Variants in HDAC4 observed in about 807,000 individuals in gnomAD.
HDAC4 encodes the protein histone deacetylase 4, also known as histone deacetylase A.
HDAC4 carries 16 observed loss-of-function variants against 135.1 expected under a neutral mutation model. That is an observed-to-expected ratio of 0.12 (90% CI 0.08 to 0.18). The LOEUF is 0.18. Ranked by LOEUF, HDAC4 falls within the 10% of genes least tolerant of loss-of-function variation. The pLI, the probability that HDAC4 is intolerant of heterozygous loss-of-function variation, is 1.00. For synonymous variants in HDAC4, 685 were observed against 653.4 expected (o/e 1.05, Z -0.74); for missense variants, 1,143 against 1,511.8 (o/e 0.76, Z 4.05).
At chr2:239,236,097 C>T (rs1029888736) in intron 3 of HDAC4, among the ~76,000 whole-genome samples, 1 of 152,166 alleles carries the variant, frequency 6.6e-6, no homozygotes, top group Admixed American at 6.5e-5. Context: ...TATTTCTGAT[C>T]ACCACCGATA....
chr2:239,085,555 C>A (rs1574964048), intron 19 of HDAC4, among the ~76,000 whole-genome samples: 1 of 152,256 alleles, frequency 6.6e-6, no homozygotes, highest in Admixed American at 6.5e-5. Context: ...TCCAACAACT[C>A]AGGTTCAAAT....
chr2:239,346,844 CTG>C (rs1412713435), intron 2 of HDAC4, among the ~76,000 whole-genome samples: 16 of 148,758 alleles, frequency 1.1e-4, no homozygotes, highest in Non-Finnish European at 4.5e-5. Flanking sequence ...CACACACACC[CTG>C]TCTCACACAC....
Position 239,126,566 on chromosome 2 carries a change from G to T in HDAC4, c.1423C>A (p.Leu475Met). 3 of 1,613,804 alleles carry T rather than the reference G, an allele frequency of 1.9e-6. No homozygotes were observed. The highest frequency in any genetic ancestry group is 1.7e-6 in the Non-Finnish European group (2 of 1,179,956). Residue 475 changes from leucine to methionine, a missense_variant, in exon 12 of 27, where the codon CTG becomes ATG. Coordinates refer to ENST00000543185, the MANE Select transcript of HDAC4 (RefSeq NM_001378414.1). ...TGCAGAGCCTGGGCGTTCTGGGGCA[G>T]CGGGGCCGACTGGGTCCGCCCCAGT... is the stretch of plus-strand genomic sequence containing the variant. ...RPLGRTQSAP[L>M]PQNAQALQHL...
rs141114308 is a variant in HDAC4 at position 239,303,422 on chromosome 2, G to A, written c.22+49256C>T. ...CTTCTGCAGTCGCCACCGAGCACTC[G>A]TGGTGTGGCCCACAGGGCATCCTGC... On this transcript the variant is annotated intron_variant, in intron 2 of 26. Coordinates refer to ENST00000543185, the MANE Select transcript of HDAC4 (RefSeq NM_001378414.1). The surrounding 1 kb of genome is among the most constrained non-coding windows in gnomAD (Gnocchi z 5.1). Among the ~76,000 whole-genome samples the A allele has an allele frequency of 2.0e-4, 31 of 152,220 alleles. No individual in the cohort carries two copies. Among genetic ancestry groups the A allele is most frequent in the African/African-American group, 7.5e-4 (31 of 41,534 alleles).
chr2:239,190,161 C>T, intron 3 of HDAC4, 84 bp from the exon 4 acceptor site: 1 of 1,484,432 alleles, frequency 6.7e-7, no homozygotes. Flanking sequence ...ACACACTGGC[C>T]ACCTTCACGG....
rs74003963 is a variant in HDAC4, at chr2:239,364,664, C to A, written c.-219-11746G>T. On this transcript the variant is annotated intron_variant, in intron 1 of 26. Coordinates refer to ENST00000543185, the MANE Select transcript of HDAC4 (RefSeq NM_001378414.1). ...TCCCTCCTGGCTTGTGTACTTTTCT[C>A]ATGTATTTTATAATTCAATAAAAAA... 8.3e-3 allele frequency among the ~76,000 whole-genome samples: 1,267 copies of A among 152,352 alleles called. 18 individuals are homozygous for A. The highest frequency in any genetic ancestry group is 0.029 in the African/African-American group (1,212 of 41,578).
chr2:239,084,373 C>A, intron 19 of HDAC4, 131 bp from the exon 20 acceptor site: 1 of 697,264 alleles, frequency 1.4e-6, no homozygotes, highest in Non-Finnish European at 2.6e-6. Context: ...CTCCTGAATA[C>A]GTCGCAGGGA....
chr2:239,174,612 T>C (rs1420219088), intron 5 of HDAC4, among the ~76,000 whole-genome samples: 1 of 152,104 alleles, frequency 6.6e-6, no homozygotes, highest in Non-Finnish European at 1.5e-5. Context: ...ACTGACAACA[T>C]GCATGCCCCA....
rs150425106 is a variant in HDAC4, at chr2:239,272,904, G to A, written c.23-36240C>T. Among the ~76,000 whole-genome samples the A allele has an allele frequency of 1.6e-3, 249 of 152,230 alleles. 1 individual carries two copies. The highest frequency in any genetic ancestry group is 5.3e-3 in the African/African-American group (219 of 41,538). ...CAAGCTGTCCCTATATTCCTGCAACGGCTTCTTCCCTCCCTAGCGACCTGG... is the reference window on the plus strand; with the variant it reads ...CAAGCTGTCCCTATATTCCTGCAACAGCTTCTTCCCTCCCTAGCGACCTGG... On this transcript the variant is annotated intron_variant, in intron 2 of 26. Coordinates refer to ENST00000543185, the MANE Select transcript of HDAC4 (RefSeq NM_001378414.1).
intron 2 of HDAC4, among the ~76,000 whole-genome samples, chr2:239,348,005 C>CCGGTGACCACAGACACGTCCCAG (rs1692838217): frequency 6.8e-6 from 1 of 147,688 alleles, no homozygotes; most frequent in Admixed American, 6.7e-5. Flanking sequence ...GAGCATCATC[C>CCGGTGACCACAGACACGTCCCAG]CGGTGACCAC....
intron 2 of HDAC4, among the ~76,000 whole-genome samples, chr2:239,261,969 G>A (rs752446345): frequency 4.6e-5 from 7 of 152,212 alleles, no homozygotes; most frequent in East Asian, 3.9e-4. Flanking sequence ...CTGCCTTCGT[G>A]AGCCCCCGGC....
In HDAC4 at chr2:239,227,440, G is replaced by C. The variant is rs1002285721; in HGVS notation, c.94+9153C>G. ...GCTGGACACCATGCCAAGTGGGACC[G>C]GGCAGCCCCCAGCGGCCAGCACCCT... On this transcript the variant is annotated intron_variant, in intron 3 of 26. Transcript: ENST00000543185. 4.6e-5 allele frequency among the ~76,000 whole-genome samples: 7 copies of C among 152,310 alleles called. No individual in the cohort carries two copies. In the South Asian group the frequency reaches 1.2e-3, roughly 27 times the overall value.
intron 5 of HDAC4, among the ~76,000 whole-genome samples, chr2:239,172,294 AT>A (rs199964783): frequency 0.24 from 32,209 of 136,488 alleles, 4,287 homozygotes; most frequent in African/African-American, 0.36. Flanking sequence ...GTGAAAAAAA[AT>A]ATATATATAT....
At chr2:239,322,370 C>A (rs908283173) in intron 2 of HDAC4, among the ~76,000 whole-genome samples, 1 of 152,236 alleles carries the variant, frequency 6.6e-6, no homozygotes, top group Non-Finnish European at 1.5e-5. Flanking sequence ...CCAGTGACTT[C>A]CTTTCTCAAT....
chr2:239,277,289 C>T (rs559960957), intron 2 of HDAC4, among the ~76,000 whole-genome samples: 29 of 152,276 alleles, frequency 1.9e-4, no homozygotes, highest in African/African-American at 5.5e-4. Flanking sequence ...CTCTTGTTCC[C>T]GGTCTGTCCA....
chr2:239,354,840 G>A (rs1049900541), intron 1 of HDAC4, among the ~76,000 whole-genome samples: 2 of 152,126 alleles, frequency 1.3e-5, no homozygotes, highest in South Asian at 2.1e-4. Context: ...AGGGAATGTA[G>A]ATGGCATATT....
chr2:239,244,239 G>A (rs189397080), intron 2 of HDAC4, among the ~76,000 whole-genome samples: 1 of 152,304 alleles, frequency 6.6e-6, no homozygotes, highest in East Asian at 1.9e-4. Context: ...CGTGTCTGGG[G>A]CAAAAGGACT....
chr2:239,215,264 T>C (rs1200152208), intron 3 of HDAC4, among the ~76,000 whole-genome samples: 2 of 151,964 alleles, frequency 1.3e-5, no homozygotes, highest in African/African-American at 4.8e-5. Context: ...ACCAGGAGCA[T>C]GTGGTGTGGT....
intron 7 of HDAC4, among the ~76,000 whole-genome samples, chr2:239,155,192 G>A (rs1353934949): frequency 5.3e-5 from 8 of 151,254 alleles, no homozygotes; most frequent in Non-Finnish European, 1.2e-4. Context: ...ACCCAATACG[G>A]CCCACTGCTC....
Sources: gnomAD v4.1 joint callset for allele counts (sites outside exome capture counted in the v4.1 genomes callset) on GRCh38, gnomAD v4.1.1 for gene constraint, Gnocchi (gnomAD v3.1) non-coding constraint, MANE v1.5 for transcripts, NCBI Gene and HGNC (gene_info 2026-07-23, HGNC 2026-07-21) for gene names.